Variants in GSAP observed in about 807,000 individuals in gnomAD.
GSAP encodes the protein gamma-secretase activating protein.
In GSAP, 118 loss-of-function variants were observed where a neutral mutation model predicts 131.7. The observed-to-expected ratio is 0.90, with a 90% CI of 0.77 to 1.04. The LOEUF is 1.04. Ranked by LOEUF, GSAP falls within the 50% of genes least tolerant of loss-of-function variation. The pLI is 0.00. For synonymous variants in GSAP, 381 were observed against 363.4 expected, an observed-to-expected ratio of 1.05 and a Z score of -0.55; for missense variants, 1,019 against 1,013.2, an observed-to-expected ratio of 1.01 and a Z score of -0.08.
Position 77,353,661 on chromosome 7 carries a change from A to G in GSAP, c.1339-20T>C. ...AATAATCTTTAAAAAGTCAGACAGAACTCTGTTGGTATTTAAATCTGCTCT... is the reference window on the plus strand; with the variant it reads ...AATAATCTTTAAAAAGTCAGACAGAGCTCTGTTGGTATTTAAATCTGCTCT... On this transcript the variant is annotated intron_variant, in intron 16 of 30. Transcript: ENST00000257626. 6.6e-7 allele frequency: 1 copy of G among 1,525,978 alleles called. No individual in the cohort carries two copies. Among genetic ancestry groups the G allele is most frequent in the Non-Finnish European group, 9.1e-7 (1 of 1,102,756 alleles). 94.5% of individuals were successfully genotyped at this position (1,525,978 alleles called of 1,614,324 possible).
chr7:77,393,837 C>T (rs187221568), intron 5 of GSAP, among the ~76,000 whole-genome samples: 1 of 152,142 alleles, frequency 6.6e-6, no homozygotes, highest in Non-Finnish European at 1.5e-5. Context: ...CCACACCCGG[C>T]TAATTTTTCT....
At chr7:77,412,457 A>AT (rs959614300) in intron 1 of GSAP, among the ~76,000 whole-genome samples, 3 of 152,164 alleles carry the variant, frequency 2.0e-5, no homozygotes, top group African/African-American at 7.2e-5. Flanking sequence ...AACAGGGAGG[A>AT]TTTAAGAGAT....
At chr7:77,386,483 C>T (rs1798582325) in intron 6 of GSAP, among the ~76,000 whole-genome samples, 1 of 152,148 alleles carries the variant, frequency 6.6e-6, no homozygotes, top group African/African-American at 2.4e-5. Flanking sequence ...GCATGTTTGT[C>T]AACAGATCAG....
chr7:77,326,416 G>A, intron 22 of GSAP, 143 bp from the exon 23 acceptor site: 1 of 585,202 alleles, frequency 1.7e-6, no homozygotes, highest in South Asian at 2.2e-5. Flanking sequence ...ACCTAAGTGT[G>A]ACCTAGTCCT....
At chr7:77,397,905 G>A (rs1411525326) in intron 3 of GSAP, among the ~76,000 whole-genome samples, 1 of 152,252 alleles carries the variant, frequency 6.6e-6, no homozygotes, top group Non-Finnish European at 1.5e-5. Context: ...GTAATCATTA[G>A]TTTTCTTAGC....
chr7:77,398,051 A>G (rs925638700), intron 3 of GSAP, among the ~76,000 whole-genome samples: 2 of 152,198 alleles, frequency 1.3e-5, no homozygotes, highest in Non-Finnish European at 2.9e-5. Context: ...AATATTAAAG[A>G]AAATGAAAAT....
chr7:77,403,930 C>T (rs1801814514), intron 3 of GSAP, among the ~76,000 whole-genome samples: 1 of 152,134 alleles, frequency 6.6e-6, no homozygotes, highest in South Asian at 2.1e-4. Flanking sequence ...CCTAGATACA[C>T]ACACAAAAGA....
In GSAP at chr7:77,331,300, C is replaced by CA. The variant is rs539452118; in HGVS notation, c.1546-934dup. On this transcript the variant is annotated intron_variant, in intron 19 of 30. Transcript: ENST00000257626. ...TGGGTGACAGAGCGAGACTCCGTCT[C>CA]AAAAAAAATAAAAATAAAAAAATAC... Among the ~76,000 whole-genome samples, 26 of 151,494 alleles carry CA rather than the reference C, an allele frequency of 1.7e-4. 1 individual carries two copies. The highest frequency in any genetic ancestry group is 1.0e-3 in the South Asian group (5 of 4,794).
intron 6 of GSAP, among the ~76,000 whole-genome samples, chr7:77,385,236 G>C (rs781121253): frequency 1.3e-5 from 2 of 152,128 alleles, no homozygotes; most frequent in African/African-American, 4.8e-5. Context: ...GTTTTGCCAC[G>C]TTGGCCAGGC....
At chr7:77,377,452 C>T (rs1797122115) in intron 8 of GSAP, 62 bp from the exon 9 acceptor site, 19 of 1,429,736 alleles carry the variant, frequency 1.3e-5, no homozygotes, top group South Asian at 3.0e-5. Context: ...GAGAACATAT[C>T]TGGAATTCAT....
chr7:77,371,537 C>A (rs558906038), intron 12 of GSAP, among the ~76,000 whole-genome samples: 40 of 151,174 alleles, frequency 2.6e-4, no homozygotes, highest in Non-Finnish European at 5.2e-4. Context: ...TGGGTTCAAG[C>A]GATTTTCCTG....
chr7:77,351,624 C>G (rs753897916), intron 18 of GSAP: 2 of 985,592 alleles, frequency 2.0e-6, no homozygotes, highest in African/African-American at 3.5e-5. Context: ...TTCTTTATAT[C>G]GCTCTTCTTG....
At chr7:77,354,134 C>T (rs2150863080) in intron 16 of GSAP, among the ~76,000 whole-genome samples, 1 of 152,296 alleles carries the variant, frequency 6.6e-6, no homozygotes, top group South Asian at 2.1e-4. Flanking sequence ...CGCTCATCTC[C>T]ATAATCATCC....
chr7:77,321,510 A>G, intron 24 of GSAP, 107 bp from the exon 25 acceptor site: 1 of 737,084 alleles, frequency 1.4e-6, no homozygotes, highest in Non-Finnish European at 2.5e-6. Context: ...GCTGGCATTC[A>G]GGCTGCATCC....
chr7:77,377,212 G>C, intron 9 of GSAP, 74 bp downstream of exon 9: 5 of 1,179,096 alleles, frequency 4.2e-6, no homozygotes, highest in Non-Finnish European at 4.3e-6. Flanking sequence ...GCAAGACCCT[G>C]TCTCTAAAAA....
intron 3 of GSAP, among the ~76,000 whole-genome samples, chr7:77,399,373 A>C (rs1438225634): frequency 6.6e-6 from 1 of 152,178 alleles, no homozygotes; most frequent in East Asian, 1.9e-4. Context: ...ATAGAGCTCC[A>C]AGTTCTATTC....
chr7:77,372,027 C>A (rs577341562), intron 12 of GSAP, among the ~76,000 whole-genome samples: 8 of 152,370 alleles, frequency 5.3e-5, no homozygotes, highest in African/African-American at 1.9e-4. Flanking sequence ...GCCTCCTGAT[C>A]TGATACAAAT....
intron 19 of GSAP, among the ~76,000 whole-genome samples, chr7:77,342,718 C>A (rs984270211): frequency 1.3e-5 from 2 of 152,154 alleles, no homozygotes; most frequent in Non-Finnish European, 2.9e-5. Flanking sequence ...AGGATTAAAG[C>A]CTGTTATCAC....
intron 1 of GSAP, among the ~76,000 whole-genome samples, chr7:77,410,942 A>G (rs1186803481): frequency 1.3e-5 from 2 of 152,140 alleles, no homozygotes; most frequent in Non-Finnish European, 2.9e-5. Context: ...ATGACCAGTT[A>G]TTATAATTCC....
Sources: gnomAD v4.1 joint callset for allele counts (sites outside exome capture counted in the v4.1 genomes callset) on GRCh38, gnomAD v4.1.1 for gene constraint, MANE v1.5 for transcripts, NCBI Gene and HGNC (gene_info 2026-07-23, HGNC 2026-07-21) for gene names.